RALGDS: variants seen among roughly 807,000 people sequenced by gnomAD.
The protein encoded by RALGDS is ral guanine nucleotide exchange factor.
A neutral mutation model predicts 99.8 loss-of-function variants in RALGDS; 44 were observed. The ratio of observed to expected loss-of-function variants is 0.44; its 90% confidence interval spans 0.35 to 0.57. RALGDS has a LOEUF of 0.57. Ranked by LOEUF, RALGDS falls within the 20% of genes least tolerant of loss-of-function variation. The pLI is 0.01. For synonymous variants in RALGDS, 529 were observed against 505.0 expected (o/e 1.05, Z -0.64); for missense variants, 1,022 against 1,203.1 (o/e 0.85, Z 2.23).
At position 133,118,911 on chromosome 9, in the gene RALGDS, C is replaced by T. The variant is rs78500117; in HGVS notation, c.183+2061G>A. ...TCCTAGAAGGTGGTGTTGGCACCTA[C>T]TCTGTAGGGTTGGTCTAAGGCAGAT... On this transcript the variant is annotated intron_variant, in intron 1 of 17. Transcript: ENST00000372050. Among the ~76,000 whole-genome samples the T allele has an allele frequency of 3.3e-3, 510 of 152,338 alleles. 4 individuals are homozygous for T. The highest frequency in any genetic ancestry group is 0.012 in the African/African-American group (482 of 41,572).
At chr9:133,123,903 GAC>G (rs1211785816), upstream of RALGDS, among the ~76,000 whole-genome samples, 3 of 67,782 alleles carry the variant, frequency 4.4e-5, no homozygotes, top group Non-Finnish European at 1.1e-4. Flanking sequence ...TAGAGACAGA[GAC>G]ACAGACACAC....
intron 1 of RALGDS, among the ~76,000 whole-genome samples, chr9:133,143,572 A>G (rs1390291407): frequency 1.3e-5 from 2 of 151,844 alleles, no homozygotes; most frequent in African/African-American, 4.8e-5. Flanking sequence ...CCTGGGCAAC[A>G]TGGTGAAACT....
chr9:133,124,716 G>A (rs1832092595), upstream of RALGDS, among the ~76,000 whole-genome samples: 1 of 152,226 alleles, frequency 6.6e-6, no homozygotes, highest in African/African-American at 2.4e-5. Flanking sequence ...CACACTGTTA[G>A]CAACTGGGGT....
Position 133,144,710 on chromosome 9 carries a change from C to G in RALGDS, c.18+4253G>C, listed in dbSNP as rs981497096. Among the ~76,000 whole-genome samples the G allele has an allele frequency of 6.6e-6, 1 of 152,226 alleles. No homozygotes were observed. Among genetic ancestry groups the G allele is most frequent in the South Asian group, 2.1e-4 (1 of 4,832 alleles). ...GTTCCTGCGATGTCTTCCGACTCCC[C>G]GCTGCTCCCCTAGTCCCCGTAGGCA... On this transcript the variant is annotated intron_variant, in intron 1 of 17. Coordinates refer to the RALGDS transcript ENST00000393160. The surrounding 1 kb of genome is among the most constrained non-coding windows in gnomAD (Gnocchi z 4.5).
At chr9:133,118,580 AC>A (rs1831740653) in intron 1 of RALGDS, among the ~76,000 whole-genome samples, 1 of 151,138 alleles carries the variant, frequency 6.6e-6, no homozygotes, top group Non-Finnish European at 1.5e-5. Flanking sequence ...CCTCCCCAAA[AC>A]CTGCTGGCTC....
rs371528118 is a variant in RALGDS at position 133,102,571 on chromosome 9, G to C, written c.1914C>G (p.Ser638Arg). ...GCTCCAGCTCGCACGACAGGTTGTA[G>C]CTATGAGCAGAGGGGCAGTGGTGTG... ...RAVERLSETE[S>R]YNLSCELEPP... The change falls in exon 14 of 18, where the codon AGC becomes AGG. Residue 638 changes from serine (S) to arginine (R), a missense_variant and splice_region_variant. By Grantham distance (110) the Ser-to-Arg change is moderately radical. Around this residue, in one of 3 missense-constraint regions of RALGDS, gnomAD observed 825 missense variants for 994.5 expected, o/e 0.83. Transcript: ENST00000372050. 1 of 1,613,838 alleles carries C rather than the reference G, an allele frequency of 6.2e-7. No homozygotes were observed. The highest frequency in any genetic ancestry group is 1.3e-5 in the African/African-American group (1 of 74,940).
At chr9:133,099,096 C>T in intron 17 of RALGDS, 1 of 345,780 alleles carries the variant, frequency 2.9e-6, no homozygotes, top group South Asian at 2.8e-5. Context: ...CAGGTCACCT[C>T]CCAGAATCCT....
intron 3 of RALGDS, 113 bp downstream of exon 3, chr9:133,110,183 T>C: frequency 1.7e-6 from 2 of 1,143,730 alleles, no homozygotes; most frequent in Non-Finnish European, 2.6e-6. Flanking sequence ...TTCTCTTTCA[T>C]ATGAGCAAAG....
At chr9:133,118,640 C>T (rs1053518889) in intron 1 of RALGDS, among the ~76,000 whole-genome samples, 3 of 152,210 alleles carry the variant, frequency 2.0e-5, no homozygotes, top group African/African-American at 4.8e-5. Flanking sequence ...GGGCTTGCTT[C>T]CTCCAGGTAG....
intron 1 of RALGDS, among the ~76,000 whole-genome samples, chr9:133,141,450 G>A (rs7037765): frequency 0.38 from 54,771 of 143,054 alleles, 9,946 homozygotes; most frequent in African/African-American, 0.43. Context: ...AGCCCCTATG[G>A]GAGCCCAAGG....
intron 1 of RALGDS, among the ~76,000 whole-genome samples, chr9:133,138,013 G>A (rs905191764): frequency 6.6e-6 from 1 of 152,222 alleles, no homozygotes; most frequent in Non-Finnish European, 1.5e-5. Context: ...TTGGGAGGCT[G>A]CCTGCCGTGC....
At chr9:133,105,593 A>G (rs918761368) in intron 9 of RALGDS, among the ~76,000 whole-genome samples, 1 of 152,010 alleles carries the variant, frequency 6.6e-6, no homozygotes, top group African/African-American at 2.4e-5. Context: ...TGGGGGCAGG[A>G]GCCGCATCCC....
At chr9:133,147,465 C>T (rs538364015) in intron 1 of RALGDS, among the ~76,000 whole-genome samples, 250 of 152,332 alleles carry the variant, frequency 1.6e-3, no homozygotes, top group Non-Finnish European at 1.6e-3. Flanking sequence ...CCAAGCCCAA[C>T]GCTGCCCCCC....
chr9:133,111,933 G>C (rs1186037831), intron 2 of RALGDS, 109 bp downstream of exon 2: 1 of 820,186 alleles, frequency 1.2e-6, no homozygotes, highest in African/African-American at 1.7e-5. Context: ...GGGTCGGGAA[G>C]GGAGTGAAGG....
At position 133,144,731 on chromosome 9, in the gene RALGDS, A is replaced by T. The variant is rs1832596290; in HGVS notation, c.18+4232T>A. On this transcript the variant is annotated intron_variant, in intron 1 of 17. Coordinates refer to the RALGDS transcript ENST00000393160. This position sits in a 1 kb window ranked among gnomAD's most constrained non-coding sequence, Gnocchi z 4.5. ...TCCCCGCTGCTCCCCTAGTCCCCGTAGGCACGCGGGTACCCGGCCTTTGGG... is the reference window on the plus strand; with the variant it reads ...TCCCCGCTGCTCCCCTAGTCCCCGTTGGCACGCGGGTACCCGGCCTTTGGG... Among the ~76,000 whole-genome samples, 1 of 152,346 alleles carries T rather than the reference A, an allele frequency of 6.6e-6. No individual in the cohort carries two copies. The highest frequency in any genetic ancestry group is 6.5e-5 in the Admixed American group (1 of 15,312).
intron 1 of RALGDS, chr9:133,129,398 G>A (rs1588564292): frequency 6.9e-7 from 1 of 1,446,184 alleles, no homozygotes; most frequent in East Asian, 2.6e-5. Flanking sequence ...TGCCCTAGTG[G>A]AGTGGAGCAC....
At chr9:133,100,643 AAG>A (rs1564226242) in intron 16 of RALGDS, 1 of 1,364,152 alleles carries the variant, frequency 7.3e-7, no homozygotes, top group Non-Finnish European at 9.5e-7. Flanking sequence ...CTTCTCCTGT[AAG>A]AGACTGTTCC....
At position 133,108,195 on chromosome 9, in the gene RALGDS, C is replaced by T. The variant is rs142210289; in HGVS notation, c.990G>A (p.Ala330=). 99 of 1,613,274 alleles carry T rather than the reference C, an allele frequency of 6.1e-5. No homozygotes were observed. Among genetic ancestry groups the T allele is most frequent in the African/African-American group, 4.0e-4 (30 of 74,994 alleles). The change falls in exon 6 of 18, where the codon GCG becomes GCA. Residue 330 remains alanine, a synonymous_variant. Transcript: ENST00000372050. ...EPAVGLESAP[A]PALELEPAPE... is the part of the protein sequence containing the mutation. Reference sequence around the variant, plus strand: ...GAGCTGGCTCTAGTTCCAGAGCTGGCGCTGGAGCCGATTCTAGTCCCACAG... The same window carrying T: ...GAGCTGGCTCTAGTTCCAGAGCTGGTGCTGGAGCCGATTCTAGTCCCACAG...
chr9:133,128,452 G>C (rs1832231411), intron 1 of RALGDS, among the ~76,000 whole-genome samples: 2 of 151,462 alleles, frequency 1.3e-5, no homozygotes, highest in South Asian at 4.2e-4. Flanking sequence ...TCCCACAGCT[G>C]TGATAGGTGG....
Sources: gnomAD v4.1 joint callset for allele counts (sites outside exome capture counted in the v4.1 genomes callset) on GRCh38, gnomAD v4.1.1 for gene constraint, gnomAD v4.1.1 regional missense constraint, Gnocchi (gnomAD v3.1) non-coding constraint, MANE v1.5 for transcripts, NCBI Gene and HGNC (gene_info 2026-07-23, HGNC 2026-07-21) for gene names.